GSDME: variants seen among roughly 807,000 people sequenced by gnomAD.
The protein encoded by GSDME is gasdermin E, also known as gasdermin-E.
A neutral mutation model predicts 47.5 loss-of-function variants in GSDME; 44 were observed. The ratio of observed to expected loss-of-function variants is 0.93; its 90% CI spans 0.73 to 1.19. The LOEUF is 1.19. Ranked by LOEUF, GSDME falls within the 50% of genes most tolerant of loss-of-function variation. The pLI, the probability that GSDME is intolerant of heterozygous loss-of-function variation, is 0.00. For missense variants in GSDME, 663 were observed against 604.2 expected, an observed-to-expected ratio of 1.10 and a Z score of -1.02; for synonymous variants, 258 against 252.8, an observed-to-expected ratio of 1.02 and a Z score of -0.20.
chr7:24,718,917 C>G (rs527678262), intron 4 of GSDME, 130 bp downstream of exon 4: 4 of 1,037,366 alleles, frequency 3.9e-6, no homozygotes, highest in Non-Finnish European at 4.4e-6. Context: ...TTTAAGACAA[C>G]GTGAGTTGGG....
chr7:24,727,903 C>G (rs534205850), intron 3 of GSDME, among the ~76,000 whole-genome samples: 5 of 152,368 alleles, frequency 3.3e-5, no homozygotes, highest in African/African-American at 1.2e-4. Context: ...ATCTGTGCTG[C>G]TTCTGCAGGA....
the GSDME span, among the ~76,000 whole-genome samples, chr7:24,763,606 G>A: frequency 3.3e-5 from 5 of 152,142 alleles, no homozygotes; most frequent in Non-Finnish European, 7.4e-5. The surrounding 1 kb of genome is among the most constrained non-coding windows in gnomAD (Gnocchi z 4.3). Flanking sequence ...TTTATGAATT[G>A]CTTATTTCTG....
chr7:24,746,281 C>T (rs998982362), intron 2 of GSDME, among the ~76,000 whole-genome samples: 1 of 152,104 alleles, frequency 6.6e-6, no homozygotes, highest in Non-Finnish European at 1.5e-5. Context: ...TTGGGCAATG[C>T]CTTGGGAAGA....
At chr7:24,720,030 G>A (rs573092939) in intron 3 of GSDME, among the ~76,000 whole-genome samples, 1 of 152,206 alleles carries the variant, frequency 6.6e-6, no homozygotes, top group East Asian at 1.9e-4. Context: ...TGAACTAAGA[G>A]GAAACTTCTT....
chr7:24,789,449 G>A, the GSDME span, among the ~76,000 whole-genome samples: 5 of 152,332 alleles, frequency 3.3e-5, no homozygotes, highest in East Asian at 9.6e-4. Context: ...GGGGGTCCGC[G>A]TGAGCAGGTC....
At position 24,742,066 on chromosome 7, in the gene GSDME, C is replaced by T. The variant is rs913116202; in HGVS notation, c.404+2496G>A. Among the ~76,000 whole-genome samples the T allele has an allele frequency of 2.0e-5, 3 of 152,176 alleles. No individual in the cohort carries two copies. The highest frequency in any genetic ancestry group is 7.2e-5 in the African/African-American group (3 of 41,436). On this transcript the variant is annotated intron_variant, in intron 3 of 9. Transcript: ENST00000645220. This position sits in a 1 kb window ranked among gnomAD's most constrained non-coding sequence, Gnocchi z 4.4. ...TCACCACTACAAGTAATAGGACTCC[C>T]GAGTCCAAGTGATCTCATCCCTGTG...
chr7:24,752,524 C>T (rs535194287), intron 1 of GSDME, among the ~76,000 whole-genome samples: 2 of 152,178 alleles, frequency 1.3e-5, no homozygotes, highest in Non-Finnish European at 1.5e-5. Flanking sequence ...AAAAGACACT[C>T]GCTTGGTGAA....
chr7:24,783,871 T>A, the GSDME span, among the ~76,000 whole-genome samples: 1 of 151,716 alleles, frequency 6.6e-6, no homozygotes, highest in East Asian at 1.9e-4. Context: ...AAGAGAGGAA[T>A]GGGTTGGGCG....
At chr7:24,782,327 T>C in the GSDME span, among the ~76,000 whole-genome samples, 36,912 of 151,718 alleles carry the variant, frequency 0.24, 4,844 homozygotes, top group East Asian at 0.49. Context: ...TTTGGTTTTT[T>C]GTCCTTGCGA....
At chr7:24,707,424 T>A (rs753461027) in intron 7 of GSDME, 1 of 471,728 alleles carries the variant, frequency 2.1e-6, no homozygotes, top group South Asian at 1.5e-5. Flanking sequence ...GATATCCTTC[T>A]GCTGCAAAAC....
the GSDME span, among the ~76,000 whole-genome samples, chr7:24,784,548 C>T: frequency 2.6e-5 from 4 of 151,670 alleles, no homozygotes; most frequent in East Asian, 3.9e-4. Flanking sequence ...AAGCATCCAG[C>T]AAGAGAGAAA....
At chr7:24,729,878 C>G (rs765570613) in intron 3 of GSDME, among the ~76,000 whole-genome samples, 1 of 152,152 alleles carries the variant, frequency 6.6e-6, no homozygotes, top group Non-Finnish European at 1.5e-5. Flanking sequence ...TGTGGAGAAT[C>G]AACTGGAAGG....
intron 3 of GSDME, among the ~76,000 whole-genome samples, chr7:24,730,747 G>A (rs1027007094): frequency 2.9e-4 from 44 of 152,252 alleles, no homozygotes; most frequent in African/African-American, 9.6e-4. Flanking sequence ...CCCAGGAAGC[G>A]GAGGTTGCAG....
the GSDME span, among the ~76,000 whole-genome samples, chr7:24,763,807 G>C: frequency 1.3e-5 from 2 of 152,196 alleles, no homozygotes; most frequent in African/African-American, 4.8e-5. The surrounding 1 kb of genome is among the most constrained non-coding windows in gnomAD (Gnocchi z 4.3). Context: ...ACTGGGTTTC[G>C]AGAGCAGTGG....
the GSDME span, among the ~76,000 whole-genome samples, chr7:24,775,782 G>A: frequency 2.0e-4 from 29 of 146,966 alleles, no homozygotes; most frequent in Non-Finnish European, 3.7e-4. Context: ...GGCTGAGGTG[G>A]GAGAATCACT....
At position 24,699,271 on chromosome 7, in the gene GSDME, C is replaced by T; in HGVS notation, c.1258-12G>A. 1 of 1,570,316 alleles carries T rather than the reference C, an allele frequency of 6.4e-7. No individual in the cohort carries two copies. Among genetic ancestry groups the T allele is most frequent in the Non-Finnish European group, 8.8e-7 (1 of 1,140,346 alleles). The stretch of plus-strand genomic sequence containing the variant: ...GACAGAGCACGAAGCTGAAATGACA[C>T]ATTTAAACAAATTCACTTTTAAAAT... On this transcript the variant is annotated splice_polypyrimidine_tract_variant and intron_variant, in intron 9 of 9. Coordinates refer to ENST00000645220, the MANE Select transcript of GSDME (RefSeq NM_001127453.2).
chr7:24,708,903 T>C (rs1333497382), intron 6 of GSDME, among the ~76,000 whole-genome samples: 1 of 152,032 alleles, frequency 6.6e-6, no homozygotes, highest in Admixed American at 6.5e-5. Context: ...TGTTTTTTGG[T>C]TTTTTTGTTT....
intron 3 of GSDME, among the ~76,000 whole-genome samples, chr7:24,734,939 T>G (rs1790255104): frequency 6.6e-6 from 1 of 152,314 alleles, no homozygotes; most frequent in Non-Finnish European, 1.5e-5. Context: ...AATACCTAAG[T>G]ACCAGAAGGT....
At chr7:24,706,954 A>G (rs1277492081) in intron 7 of GSDME, among the ~76,000 whole-genome samples, 1 of 152,218 alleles carries the variant, frequency 6.6e-6, no homozygotes, top group Non-Finnish European at 1.5e-5. Context: ...AGCATTTGAC[A>G]GGGCAGCTGA....
Sources: gnomAD v4.1 joint callset for allele counts (sites outside exome capture counted in the v4.1 genomes callset) on GRCh38, gnomAD v4.1.1 for gene constraint, Gnocchi (gnomAD v3.1) non-coding constraint, MANE v1.5 for transcripts, NCBI Gene and HGNC (gene_info 2026-07-23, HGNC 2026-07-21) for gene names.